The following UBE2H variants were observed in gnomAD, a reference collection of about 807,000 sequenced individuals.
UBE2H encodes the protein ubiquitin conjugating enzyme E2 H, also known as ubiquitin-conjugating enzyme E2 H.
In UBE2H, 3 loss-of-function variants were observed where a neutral mutation model predicts 29.0. That is an observed-to-expected ratio of 0.10 (90% CI 0.05 to 0.27). The LOEUF is 0.27. UBE2H is among the 10% of genes least tolerant of loss of function. The pLI is 1.00. For missense variants in UBE2H, 68 were observed against 228.2 expected (o/e 0.30, Z 4.52); for synonymous variants, 69 against 82.9 (o/e 0.83, Z 0.91).
intron 2 of UBE2H, among the ~76,000 whole-genome samples, chr7:129,879,933 C>T (rs561494004): frequency 3.9e-5 from 6 of 152,244 alleles, no homozygotes; most frequent in African/African-American, 1.4e-4. Context: ...TACTTTCCCT[C>T]CTATCTCAAT....
chr7:129,895,882 AAAC>A lies in UBE2H; in HGVS notation c.54-14914_54-14912del, dbSNP rs373545821. 6.1e-3 allele frequency among the ~76,000 whole-genome samples: 929 copies of A among 152,186 alleles called. 6 individuals carry two copies. The highest frequency in any genetic ancestry group is 0.011 in the South Asian group (51 of 4,818). On this transcript the variant is annotated intron_variant, in intron 1 of 6. Transcript: ENST00000355621. ...CAAAGCAAGACTCTGTCTCAGAAAAAAACAACAGAAAAAATCCTACTTCCCCTT... is the reference window on the plus strand; with the variant it reads ...CAAAGCAAGACTCTGTCTCAGAAAAAAACAGAAAAAATCCTACTTCCCCTT...
At chr7:129,925,160 C>T (rs1482761878) in intron 1 of UBE2H, among the ~76,000 whole-genome samples, 1 of 151,814 alleles carries the variant, frequency 6.6e-6, no homozygotes, top group Non-Finnish European at 1.5e-5. Context: ...CCAGCCTGGC[C>T]AAGATGGAGA....
chr7:129,949,876 T>C (rs373516298), intron 1 of UBE2H, among the ~76,000 whole-genome samples: 1 of 152,196 alleles, frequency 6.6e-6, no homozygotes, highest in Non-Finnish European at 1.5e-5. Flanking sequence ...AAACCAGCTA[T>C]CGCCCCCCAC....
At chr7:129,873,560 G>A (rs118033767) in intron 3 of UBE2H, among the ~76,000 whole-genome samples, 9,380 of 149,638 alleles carry the variant, frequency 0.063, 366 homozygotes, top group Non-Finnish European at 0.092. Context: ...TCAGCCTCCC[G>A]AGTAGCTGGA....
intron 6 of UBE2H, among the ~76,000 whole-genome samples, chr7:129,838,937 G>A (rs750873028): frequency 1.3e-5 from 2 of 152,028 alleles, no homozygotes; most frequent in East Asian, 3.9e-4. Flanking sequence ...ACGGCCAGTC[G>A]CAAACTTATC....
At chr7:129,871,637 C>A (rs1806034960) in intron 3 of UBE2H, among the ~76,000 whole-genome samples, 1 of 151,824 alleles carries the variant, frequency 6.6e-6, no homozygotes, top group African/African-American at 2.4e-5. Flanking sequence ...TCACTTGAAC[C>A]CGGGGGGCAG....
intron 1 of UBE2H, among the ~76,000 whole-genome samples, chr7:129,905,297 C>T (rs1335343068): frequency 4.6e-5 from 7 of 151,822 alleles, no homozygotes; most frequent in Admixed American, 1.3e-4. Context: ...AACAGATCTA[C>T]GATGAGATGG....
At chr7:129,886,655 G>A (rs1284804051) in intron 1 of UBE2H, among the ~76,000 whole-genome samples, 1 of 151,156 alleles carries the variant, frequency 6.6e-6, no homozygotes, top group Non-Finnish European at 1.5e-5. Flanking sequence ...GAAGCAAGTC[G>A]TGTGGATTTC....
intron 1 of UBE2H, among the ~76,000 whole-genome samples, chr7:129,930,574 G>GGTGTTCAAGA (rs1451268628): frequency 1.3e-5 from 2 of 151,548 alleles, no homozygotes; most frequent in Non-Finnish European, 2.9e-5. Context: ...TTCAAGACCA[G>GGTGTTCAAGA]CCTGGCCAAC....
Position 129,952,592 on chromosome 7 carries a change from C to G in UBE2H, c.-37G>C. 2 of 1,605,582 alleles carry G rather than the reference C, an allele frequency of 1.2e-6. No individual in the cohort carries two copies. The highest frequency in any genetic ancestry group is 1.7e-6 in the Non-Finnish European group (2 of 1,177,442). On this transcript the variant is annotated 5_prime_UTR_variant, in exon 1 of 7. Transcript: ENST00000355621. ...CGCCTCTCTCCCTTCCTCGGCCCGT[C>G]TGTCACGGGCCCGGGGCCCCGGCTC...
At chr7:129,932,544 A>C (rs942335544) in intron 1 of UBE2H, among the ~76,000 whole-genome samples, 6 of 151,728 alleles carry the variant, frequency 4.0e-5, no homozygotes, top group Admixed American at 3.9e-4. Flanking sequence ...ATTTCATCAT[A>C]CATCAAAAAT....
chr7:129,920,114 A>C (rs888387268), intron 1 of UBE2H, among the ~76,000 whole-genome samples: 3 of 152,210 alleles, frequency 2.0e-5, no homozygotes, highest in Non-Finnish European at 2.9e-5. Context: ...AAATGAAGGG[A>C]TATTTATTCA....
chr7:129,879,222 ACATT>A (rs1170155436), intron 3 of UBE2H, among the ~76,000 whole-genome samples: 2 of 152,250 alleles, frequency 1.3e-5, no homozygotes, highest in Non-Finnish European at 2.9e-5. Context: ...ATACTATGTA[ACATT>A]CATTCTTGCA....
chr7:129,951,388 T>A (rs56390971), intron 1 of UBE2H: 3 of 151,968 alleles, frequency 2.0e-5, no homozygotes, highest in Non-Finnish European at 4.4e-5. Flanking sequence ...ACTTTTAAAC[T>A]GTGTTCCACA....
intron 1 of UBE2H, among the ~76,000 whole-genome samples, chr7:129,934,638 T>TTA (rs1554440987): frequency 0.054 from 3,561 of 66,028 alleles, 111 homozygotes; most frequent in Non-Finnish European, 0.084. Context: ...ACTCCGTCTT[T>TTA]AAAAAAAAAA....
chr7:129,944,010 T>TA (rs903469637), intron 1 of UBE2H, among the ~76,000 whole-genome samples: 55 of 152,240 alleles, frequency 3.6e-4, no homozygotes, highest in African/African-American at 1.3e-3. Flanking sequence ...AGGTTAATAA[T>TA]AAAAAATAAA....
At chr7:129,889,688 A>G (rs1305063089) in intron 1 of UBE2H, among the ~76,000 whole-genome samples, 2 of 152,214 alleles carry the variant, frequency 1.3e-5, no homozygotes, top group Admixed American at 6.5e-5. Flanking sequence ...AGTAGACTAC[A>G]AATGAACATG....
chr7:129,853,485 T>C (rs914544124), intron 5 of UBE2H, among the ~76,000 whole-genome samples: 1 of 152,208 alleles, frequency 6.6e-6, no homozygotes, highest in Non-Finnish European at 1.5e-5. Context: ...TTTAATGTCA[T>C]AACAATAACA....
intron 1 of UBE2H, among the ~76,000 whole-genome samples, chr7:129,940,436 C>T (rs944085912): frequency 5.9e-5 from 9 of 152,160 alleles, no homozygotes; most frequent in African/African-American, 2.2e-4. Context: ...CACTGACAGA[C>T]CCGCCAACCA....
Sources: gnomAD v4.1 joint callset for allele counts (sites outside exome capture counted in the v4.1 genomes callset) on GRCh38, gnomAD v4.1.1 for gene constraint, MANE v1.5 for transcripts, NCBI Gene and HGNC (gene_info 2026-07-23, HGNC 2026-07-21) for gene names.